Variants in ZNF629 observed in about 807,000 individuals in gnomAD.
The protein encoded by ZNF629 is zinc finger protein 629.
Under a neutral mutation model 59.7 loss-of-function variants are expected in ZNF629, and 9 were observed. That is an observed-to-expected ratio of 0.15 (90% CI 0.09 to 0.26). The LOEUF is 0.26. Among genes scored for constraint, ZNF629 ranks in the 10% least tolerant of loss-of-function variants. The pLI is 1.00. For synonymous variants in ZNF629, 509 were observed against 498.9 expected (o/e 1.02, Z -0.27); for missense variants, 853 against 1,165.4 (o/e 0.73, Z 3.90).
Position 30,787,159 on chromosome 16 carries a change from TG to T in ZNF629, c.-166del, listed in dbSNP as rs1189266286. ...TCCTTCTCAAGGGGTGATTCCAGGCTGAGGACCCGGGGACCAGTTCAGGGTG... is the reference window on the plus strand; with the variant it reads ...TCCTTCTCAAGGGGTGATTCCAGGCTAGGACCCGGGGACCAGTTCAGGGTG... On this transcript the variant is annotated 5_prime_UTR_variant, in exon 1 of 3. Transcript: ENST00000262525. 1 of 152,880 alleles carries T rather than the reference TG, an allele frequency of 6.5e-6. No individual in the cohort carries two copies. Among genetic ancestry groups the T allele is most frequent in the Admixed American group, 6.5e-5 (1 of 15,290 alleles). 9.5% of individuals were successfully genotyped at this position (152,880 alleles called of 1,614,324 possible). A position where few individuals can be genotyped will look rare whatever the true frequency, so the allele number is the denominator to read the frequency against.
At chr16:30,785,409 G>A (rs932984168) in intron 1 of ZNF629, among the ~76,000 whole-genome samples, 2 of 152,180 alleles carry the variant, frequency 1.3e-5, no homozygotes, top group East Asian at 1.9e-4. Flanking sequence ...CTGAGAGCAC[G>A]AGGTGACCTT....
At position 30,783,513 on chromosome 16, in the gene ZNF629, T is replaced by C; in HGVS notation, c.815A>G (p.Tyr272Cys). The change falls in exon 3 of 3, where the codon TAC (tyrosine) becomes TGC (cysteine). Residue 272 changes from tyrosine to cysteine, a missense_variant. Tyr to Cys is a radical substitution (Grantham distance 194). Transcript: ENST00000262525. ...GTGCTGGATGAGGTCCGAGCTGCGG[T>C]AGAAAGCCCGGCGGCACTCGCCGCA... The part of the protein sequence containing the change: ...YKCGECRRAF[Y>C]RSSDLIQHQA... 6.2e-7 allele frequency: 1 copy of C among 1,611,486 alleles called. No individual in the cohort carries two copies. The highest frequency in any genetic ancestry group is 8.5e-7 in the Non-Finnish European group (1 of 1,179,230).
Position 30,781,579 on chromosome 16 carries a change from A to AT in ZNF629, c.*138dup. The AT allele has an allele frequency of 1.2e-6, 1 of 833,284 alleles. No homozygotes were observed. 51.6% of individuals were successfully genotyped at this position (833,284 alleles called of 1,614,324 possible). ...TTCTCATCACTGATGTAAAAGCACT[A>AT]TTTTTTCCCAGGGTTCTTTCTCCTC... On this transcript the variant is annotated 3_prime_UTR_variant, in exon 3 of 3. Transcript: ENST00000262525.
Position 30,780,859 on chromosome 16 carries a change from C to G in ZNF629, c.*859G>C, listed in dbSNP as rs1255711477. The G allele has an allele frequency of 6.6e-6, 1 of 152,100 alleles. No individual in the cohort carries two copies. Among genetic ancestry groups the G allele is most frequent in the East Asian group, 1.9e-4 (1 of 5,190 alleles). 9.4% of individuals were successfully genotyped at this position (152,100 alleles called of 1,614,324 possible). A position where few individuals can be genotyped will look rare whatever the true frequency, so the allele number is the denominator to read the frequency against. On this transcript the variant is annotated 3_prime_UTR_variant, in exon 3 of 3. Coordinates refer to ENST00000262525, the MANE Select transcript of ZNF629 (RefSeq NM_001080417.3). ...CTCAAAGCAATCTAACAGAAACTGC[C>G]CCCTGCTTCCCCCTAATTTTTGTGG...
Position 30,784,371 on chromosome 16 carries a change from CGTCTTGCCGGGACCGCAGCCCCTTCTT to C in ZNF629, c.73+12_73+38del. 1 of 1,547,220 alleles carries C rather than the reference CGTCTTGCCGGGACCGCAGCCCCTTCTT, an allele frequency of 6.5e-7. No individual in the cohort carries two copies. Among genetic ancestry groups the C allele is most frequent in the Non-Finnish European group, 8.7e-7 (1 of 1,148,288 alleles). ...AGGCCCCTCCCTGAGCCGGGACCAC[CGTCTTGCCGGGACCGCAGCCCCTTCTT>C]GTGCCCCTCACCTCTGTGAGCATCG... On this transcript the variant is annotated intron_variant, in intron 2 of 2. Coordinates refer to ENST00000262525, the MANE Select transcript of ZNF629 (RefSeq NM_001080417.3).
rs2054287818 is a variant in ZNF629 at position 30,782,194 on chromosome 16, T to G, written c.2134A>C (p.Lys712Gln). ...GAGPSPFLSG[K>Q]PFKCPECKQS... ...TTGCATTCAGGGCATTTAAAGGGCT[T>G]CCCACTTAAGAAGGGGCTGGGCCCT... is the stretch of plus-strand genomic sequence containing the variant. Residue 712 changes from lysine to glutamine, a missense_variant, in exon 3 of 3, where the codon AAG (lysine) becomes CAG (glutamine). By Grantham distance (53) the Lys-to-Gln change is moderately conservative. Transcript: ENST00000262525. 11 of 1,613,656 alleles carry G rather than the reference T, an allele frequency of 6.8e-6. No homozygotes were observed. Among genetic ancestry groups the G allele is most frequent in the Non-Finnish European group, 9.3e-6 (11 of 1,179,886 alleles).
Position 30,782,403 on chromosome 16 carries a change from T to G in ZNF629, c.1925A>C (p.Lys642Thr). The G allele has an allele frequency of 6.4e-7, 1 of 1,570,982 alleles. No homozygotes were observed. The highest frequency in any genetic ancestry group is 1.4e-5 in the African/African-American group (1 of 73,952). Reference protein sequence around the residue: ...GRAEAPGQPLKPPEGQEGFSQ... With the variant: ...GRAEAPGQPLTPPEGQEGFSQ... Reference sequence around the variant, plus strand: ...GAAGCCCTCCTGACCCTCCGGCGGCTTAAGGGGCTGTCCGGGGGCCTCCGC... The same window carrying G: ...GAAGCCCTCCTGACCCTCCGGCGGCGTAAGGGGCTGTCCGGGGGCCTCCGC... Residue 642 changes from lysine (K) to threonine (T), a missense_variant, in exon 3 of 3, where the codon AAG (lysine) becomes ACG (threonine). This residue lies in a region of ZNF629 where 420 missense variants were observed against 435.6 expected (regional missense o/e 0.96). Transcript: ENST00000262525.
rs1567294477 is a variant in ZNF629 at position 30,782,714 on chromosome 16, C to T, written c.1614G>A (p.Arg538=). The T allele has an allele frequency of 6.2e-7, 1 of 1,612,652 alleles. No individual in the cohort carries two copies. The highest frequency in any genetic ancestry group is 2.2e-5 in the East Asian group (1 of 44,860). The change falls in exon 3 of 3, where the codon AGG becomes AGA. Residue 538 remains arginine (R), a synonymous_variant. Transcript: ENST00000262525. The part of the protein sequence containing the change: ...ELEQHRVIHE[R]GKTPARRAQG... ...GGGCCCTACGCGCTGGGGTCTTCCCCCTCTCATGGATCACCCGGTGCTGCT... is the reference window on the plus strand; with the variant it reads ...GGGCCCTACGCGCTGGGGTCTTCCCTCTCTCATGGATCACCCGGTGCTGCT...
At chr16:30,785,753 T>TG (rs2054326089) in intron 1 of ZNF629, among the ~76,000 whole-genome samples, 1 of 151,838 alleles carries the variant, frequency 6.6e-6, no homozygotes, top group South Asian at 2.1e-4. Flanking sequence ...AATGAATGAG[T>TG]GAGATGTCCC....
In ZNF629 at chr16:30,786,617, C is replaced by T. The variant is rs1004171283; in HGVS notation, c.-34+411G>A. Among the ~76,000 whole-genome samples the T allele has an allele frequency of 3.3e-5, 5 of 152,072 alleles. No individual in the cohort carries two copies. Among genetic ancestry groups the T allele is most frequent in the East Asian group, 1.9e-4 (1 of 5,148 alleles). On this transcript the variant is annotated intron_variant, in intron 1 of 2. Transcript: ENST00000262525. The surrounding 1 kb of genome is among the most constrained non-coding windows in gnomAD (Gnocchi z 4.8). ...GCGGCGGGAATGCGGCCGCCCGGCC[C>T]GGCCCCCCCACCGCTTGGCTCCGGA...
chr16:30,781,948 T>G lies in ZNF629; in HGVS notation c.2380A>C (p.Lys794Gln). 2 of 1,540,294 alleles carry G rather than the reference T, an allele frequency of 1.3e-6. No homozygotes were observed. The highest frequency in any genetic ancestry group is 3.5e-4 in the Middle Eastern group (2 of 5,700). The change falls in exon 3 of 3, where the codon AAA becomes CAA. Residue 794 changes from lysine (K) to glutamine (Q), a missense_variant. Transcript: ENST00000262525. ...GGGGGGTCCTCGGGATTGGGGGGTT[T>G]TTCCTGGGTGTGGGTTTCTTGGTGC... ...TRHQETHTQE[K>Q]PPNPEDPPPE...
In ZNF629 at chr16:30,784,415, T is replaced by C. The variant is rs759694480; in HGVS notation, c.68A>G (p.His23Arg). ...QGPEQSPNDA[H>R]RGAESENEEE... The stretch of plus-strand genomic sequence containing the variant: ...CCCCTTCTTGTGCCCCTCACCTCTG[T>C]GAGCATCGTTGGGGCTCTGTTCCGG... The change falls in exon 2 of 3, where the codon CAC (histidine) becomes CGC (arginine). Residue 23 changes from histidine to arginine, a missense_variant. His to Arg is a conservative substitution (Grantham distance 29, BLOSUM62 0). This residue lies in a region of ZNF629 where 232 missense variants were observed against 193.4 expected (regional missense o/e 1.20). Transcript: ENST00000262525. 2.6e-6 allele frequency: 4 copies of C among 1,567,198 alleles called. No individual in the cohort carries two copies. Among genetic ancestry groups the C allele is most frequent in the Admixed American group, 1.9e-5 (1 of 53,946 alleles).
chr16:30,781,689 G>T lies in ZNF629; in HGVS notation c.*29C>A. ...AAAATCCAGTGTTCCTCTCTGGAGA[G>T]AGCGAGGCCCCTGGTCTCCAGACCC... On this transcript the variant is annotated 3_prime_UTR_variant, in exon 3 of 3. Coordinates refer to ENST00000262525, the MANE Select transcript of ZNF629 (RefSeq NM_001080417.3). The T allele has an allele frequency of 1.3e-6, 2 of 1,571,486 alleles. No individual in the cohort carries two copies. Among genetic ancestry groups the T allele is most frequent in the South Asian group, 2.3e-5 (2 of 86,272 alleles).
At position 30,786,668 on chromosome 16, in the gene ZNF629, C is replaced by A. The variant is rs1423097608; in HGVS notation, c.-34+360G>T. Among the ~76,000 whole-genome samples, 1 of 151,536 alleles carries A rather than the reference C, an allele frequency of 6.6e-6. No homozygotes were observed. Among genetic ancestry groups the A allele is most frequent in the Non-Finnish European group, 1.5e-5 (1 of 67,728 alleles). Reference sequence around the variant, plus strand: ...CTTCTGCTCCCCCGGAGCCGCGACCCCCGTCCCGCTGCTGATACAGAGCCT... The same window carrying A: ...CTTCTGCTCCCCCGGAGCCGCGACCACCGTCCCGCTGCTGATACAGAGCCT... On this transcript the variant is annotated intron_variant, in intron 1 of 2. Coordinates refer to ENST00000262525, the MANE Select transcript of ZNF629 (RefSeq NM_001080417.3). The surrounding 1 kb of genome is among the most constrained non-coding windows in gnomAD (Gnocchi z 4.8).
rs771025744 is a variant in ZNF629 at position 30,783,554 on chromosome 16, G to A, written c.774C>T (p.Gly258=). The A allele has an allele frequency of 1.1e-5, 18 of 1,613,842 alleles. 1 individual carries two copies. The East Asian group carries it at 3.6e-4, about 32-fold the overall frequency. The change falls in exon 3 of 3, where the codon GGC becomes GGT. Residue 258 remains glycine (G), a synonymous_variant. Coordinates refer to ENST00000262525, the MANE Select transcript of ZNF629 (RefSeq NM_001080417.3). ...NLIKHQRSHT[G]EKPYKCGECR... ...ACTCGCCGCACTTGTAGGGCTTCTC[G>A]CCGGTGTGGGATCGCTGGTGCTTGA...
rs1340764348 is a variant in ZNF629 at position 30,782,603 on chromosome 16, T to C, written c.1725A>G (p.Gly575=). The C allele has an allele frequency of 6.4e-7, 1 of 1,563,696 alleles. No individual in the cohort carries two copies. Residue 575 remains glycine (G), a synonymous_variant, in exon 3 of 3, where the codon GGA becomes GGG. Coordinates refer to ENST00000262525, the MANE Select transcript of ZNF629 (RefSeq NM_001080417.3). Reference sequence around the variant, plus strand: ...AGATGCCCTCGTCGTTGAAGCCCTTTCCGCACACGAGACACTTGTGCGGCT... The same window carrying C: ...AGATGCCCTCGTCGTTGAAGCCCTTCCCGCACACGAGACACTTGTGCGGCT... ...GAKPHKCLVC[G]KGFNDEGIFM...
In ZNF629 at chr16:30,782,404, T is replaced by G. The variant is rs2054290246; in HGVS notation, c.1924A>C (p.Lys642Gln). The change falls in exon 3 of 3, where the codon AAG (lysine) becomes CAG (glutamine). Residue 642 changes from lysine to glutamine, a missense_variant. By Grantham distance (53) the Lys-to-Gln change is moderately conservative (BLOSUM62 1). Transcript: ENST00000262525. ...GRAEAPGQPLKPPEGQEGFSQ... is the reference protein window; with the variant it reads ...GRAEAPGQPLQPPEGQEGFSQ... ...AAGCCCTCCTGACCCTCCGGCGGCT[T>G]AAGGGGCTGTCCGGGGGCCTCCGCT... 10 of 1,569,882 alleles carry G rather than the reference T, an allele frequency of 6.4e-6. No homozygotes were observed. Among genetic ancestry groups the G allele is most frequent in the Non-Finnish European group, 7.8e-6 (9 of 1,157,370 alleles).
intron 1 of ZNF629, among the ~76,000 whole-genome samples, chr16:30,785,438 A>G (rs927311556): frequency 2.0e-5 from 3 of 152,178 alleles, no homozygotes; most frequent in African/African-American, 7.2e-5. Flanking sequence ...TGTGAGACTC[A>G]TGCTCATGGG....
intron 1 of ZNF629, among the ~76,000 whole-genome samples, chr16:30,785,753 T>C (rs1251574454): frequency 6.6e-6 from 1 of 151,838 alleles, no homozygotes; most frequent in Non-Finnish European, 1.5e-5. Context: ...AATGAATGAG[T>C]GAGATGTCCC....
Sources: allele counts gnomAD v4.1 joint callset (sites outside exome capture counted in the v4.1 genomes callset), GRCh38; gene constraint gnomAD v4.1.1; regional missense constraint gnomAD v4.1.1; non-coding constraint Gnocchi (gnomAD v3.1); transcripts MANE v1.5; gene names NCBI Gene and HGNC (gene_info 2026-07-23, HGNC 2026-07-21).